The following EPB41L1 variants were observed in gnomAD, a reference collection of about 807,000 sequenced individuals.
The protein encoded by EPB41L1 is band 4.1-like protein 1.
Under a neutral mutation model 97.8 loss-of-function variants are expected in EPB41L1, and 29 were observed. The ratio of observed to expected loss-of-function variants is 0.30; its 90% CI spans 0.22 to 0.40. The LOEUF (loss-of-function observed/expected upper bound fraction) is 0.40, where lower values mean the gene tolerates loss of function less well. Ranked by LOEUF, EPB41L1 falls within the 10% of genes least tolerant of loss-of-function variation. The pLI, the probability that EPB41L1 is intolerant of heterozygous loss-of-function variation, is 1.00. For missense variants in EPB41L1, 812 were observed against 1,162.3 expected (o/e 0.70, Z 4.38); for synonymous variants, 383 against 459.2 (o/e 0.83, Z 2.12).
chr20:36,101,885 A>G (rs2058026381), intron 1 of EPB41L1, among the ~76,000 whole-genome samples: 1 of 152,004 alleles, frequency 6.6e-6, no homozygotes, highest in Non-Finnish European at 1.5e-5. Flanking sequence ...TGCACCTGTA[A>G]TCCCAGCTAC....
chr20:36,140,231 G>GTTTTTTTTTT (rs756465286), intron 2 of EPB41L1, among the ~76,000 whole-genome samples: 1 of 121,358 alleles, frequency 8.2e-6, no homozygotes, highest in African/African-American at 3.0e-5. Flanking sequence ...CTTTTTGTAT[G>GTTTTTTTTTT]TTTTTTTTTT....
intron 2 of EPB41L1, among the ~76,000 whole-genome samples, chr20:36,142,287 T>A (rs1383984054): frequency 6.6e-6 from 1 of 152,218 alleles, no homozygotes; most frequent in South Asian, 2.1e-4. Context: ...TTTCAGCATA[T>A]GTATGTATCA....
intron 2 of EPB41L1, among the ~76,000 whole-genome samples, chr20:36,127,681 C>T (rs2059027194): frequency 2.0e-5 from 3 of 152,148 alleles, no homozygotes. Context: ...GTTTCCCTAC[C>T]TGTAAAAATG....
chr20:36,191,940 TGGGG>T lies in EPB41L1; in HGVS notation c.1300+1145_1300+1148del, dbSNP rs1374252249. The stretch of plus-strand genomic sequence containing the variant: ...TAGAGAGTGGCTTAAAGGTGGGAAG[TGGGG>T]GCTGGGCATGGTGACTCATGCCTGT... On this transcript the variant is annotated intron_variant, in intron 11 of 21. Coordinates refer to ENST00000338074, the MANE Select transcript of EPB41L1 (RefSeq NM_012156.2). Among the ~76,000 whole-genome samples the T allele has an allele frequency of 1.5e-4, 23 of 152,232 alleles. No homozygotes were observed. In the East Asian group the frequency reaches 4.4e-3, roughly 29 times the overall value.
Position 36,226,717 on chromosome 20 carries a change from ATGC to A in EPB41L1, c.2638-2611_2638-2609del, listed in dbSNP as rs1478574194. Among the ~76,000 whole-genome samples, 11 of 152,200 alleles carry A rather than the reference ATGC, an allele frequency of 7.2e-5. 1 individual carries two copies. Among genetic ancestry groups the A allele is most frequent in the Non-Finnish European group, 1.5e-4 (10 of 68,038 alleles). ...CATTAACTTGAAATAGGCTAACAAA[ATGC>A]TGCACGCAGGGACTGTGCTGTGCTG... On this transcript the variant is annotated intron_variant, in intron 21 of 21. Transcript: ENST00000338074.
Position 36,212,384 on chromosome 20 carries a change from G to A in EPB41L1, c.2184+8G>A. On this transcript the variant is annotated splice_region_variant and intron_variant, in intron 16 of 21. Transcript: ENST00000338074. The surrounding 1 kb of genome is among the most constrained non-coding windows in gnomAD (Gnocchi z 4.8). ...GCTATGGATAACACCCAGGTAACTT[G>A]TGCCTTCCAATGTACCCTAAGCATG... The A allele has an allele frequency of 6.2e-7, 1 of 1,613,260 alleles. No individual in the cohort carries two copies. The highest frequency in any genetic ancestry group is 8.5e-7 in the Non-Finnish European group (1 of 1,179,236).
chr20:36,100,420 C>T (rs886726364), intron 1 of EPB41L1, among the ~76,000 whole-genome samples: 7 of 152,128 alleles, frequency 4.6e-5, no homozygotes, highest in Non-Finnish European at 1.0e-4. Flanking sequence ...TTGAGGCCAC[C>T]TAGAATTAGA....
In EPB41L1 at chr20:36,207,964, T is replaced by C. The variant is rs762001760; in HGVS notation, c.1669-1524T>C. On this transcript the variant is annotated intron_variant, in intron 14 of 21. Coordinates refer to ENST00000338074, the MANE Select transcript of EPB41L1 (RefSeq NM_012156.2). This position sits in a 1 kb window ranked among gnomAD's most constrained non-coding sequence, Gnocchi z 4.9. ...CCTGGGTGTAGCTCAGGCTGAATGA[T>C]GGGCTTCTCTGCTTGGCCCATGTTA... Among the ~76,000 whole-genome samples the C allele has an allele frequency of 6.6e-6, 1 of 152,260 alleles. No individual in the cohort carries two copies. The highest frequency in any genetic ancestry group is 1.5e-5 in the Non-Finnish European group (1 of 68,048).
At chr20:36,180,112 C>G (rs1381574478) in intron 5 of EPB41L1, among the ~76,000 whole-genome samples, 1 of 152,194 alleles carries the variant, frequency 6.6e-6, no homozygotes, top group African/African-American at 2.4e-5. Flanking sequence ...GGATGTCACT[C>G]CTTGTAGCCA....
chr20:36,205,431 A>G (rs2062746286), intron 14 of EPB41L1, among the ~76,000 whole-genome samples: 1 of 152,192 alleles, frequency 6.6e-6, no homozygotes, highest in African/African-American at 2.4e-5. Context: ...TAACATTGTA[A>G]GAGTACTTTT....
chr20:36,173,842 C>T lies in EPB41L1; in HGVS notation c.65C>T (p.Pro22Leu). 1 of 1,613,532 alleles carries T rather than the reference C, an allele frequency of 6.2e-7. No individual in the cohort carries two copies. Among genetic ancestry groups the T allele is most frequent in the Non-Finnish European group, 8.5e-7 (1 of 1,179,640 alleles). ...GCTCAGGAGGAGGCCCCGCAGCAGC[C>T]CGAGGCTGCTGCCGCTGTGACCACC... is the stretch of plus-strand genomic sequence containing the variant. Reference protein sequence around the residue: ...KKAQEEAPQQPEAAAAVTTPV... With the variant: ...KKAQEEAPQQLEAAAAVTTPV... The change falls in exon 2 of 22, where the codon CCC becomes CTC. Residue 22 changes from proline (P) to leucine (L), a missense_variant. Physicochemically the swap from Pro to Leu is moderately conservative, Grantham distance 98. Around this residue, in one of 3 missense-constraint regions of EPB41L1, gnomAD observed 84 missense variants for 94.3 expected, o/e 0.89. Coordinates refer to ENST00000338074, the MANE Select transcript of EPB41L1 (RefSeq NM_012156.2).
At chr20:36,155,499 T>G in intron 1 of EPB41L1, 1 of 432,726 alleles carries the variant, frequency 2.3e-6, no homozygotes, top group Non-Finnish European at 4.6e-6. Context: ...CACTTGTGTC[T>G]GGCACCTTCA....
chr20:36,100,526 C>T (rs971238409), intron 1 of EPB41L1, among the ~76,000 whole-genome samples: 3 of 152,188 alleles, frequency 2.0e-5, no homozygotes, highest in South Asian at 2.1e-4. Flanking sequence ...CTGTGCTAAG[C>T]GCTTTACATG....
intron 1 of EPB41L1, among the ~76,000 whole-genome samples, chr20:36,103,502 A>C (rs933746746): frequency 2.0e-5 from 3 of 152,150 alleles, no homozygotes; most frequent in Non-Finnish European, 2.9e-5. Flanking sequence ...CCTTGAGCAG[A>C]TCACTTCCTC....
At position 36,185,334 on chromosome 20, in the gene EPB41L1, A is replaced by G. The variant is rs2061640012; in HGVS notation, c.784A>G (p.Arg262Gly). 6.2e-7 allele frequency: 1 copy of G among 1,612,174 alleles called. No homozygotes were observed. Among genetic ancestry groups the G allele is most frequent in the African/African-American group, 1.3e-5 (1 of 74,906 alleles). ...GATCATGGAGCTGCATAAGACATAT[A>G]GGTAAGAGGGTGCCAGCCAGGGCCT... is the stretch of plus-strand genomic sequence containing the variant. The part of the protein sequence containing the change: ...ERIMELHKTY[R>G]GMTPGEAEIH... The change falls in exon 7 of 22, where the codon AGG (arginine) becomes GGG (glycine). Residue 262 changes from arginine to glycine, a missense_variant and splice_region_variant. Transcript: ENST00000338074.
Position 36,212,153 on chromosome 20 carries a change from A to T in EPB41L1, c.2080-119A>T. On this transcript the variant is annotated intron_variant, in intron 15 of 21. Coordinates refer to ENST00000338074, the MANE Select transcript of EPB41L1 (RefSeq NM_012156.2). The surrounding 1 kb of genome is among the most constrained non-coding windows in gnomAD (Gnocchi z 4.8). ...TTTACCCTGTCCAGAGTACCCTTCC[A>T]GAGATGTGGCCAGCTGTGGGGATAG... 1.1e-6 allele frequency: 1 copy of T among 940,346 alleles called. No individual in the cohort carries two copies. Among genetic ancestry groups the T allele is most frequent in the Non-Finnish European group, 1.7e-6 (1 of 584,222 alleles). The allele number at this position is 940,346 out of a possible 1,614,324, so 58.3% of individuals were successfully genotyped here. A position where few individuals can be genotyped will look rare whatever the true frequency, so the allele number is the denominator to read the frequency against.
Position 36,093,993 on chromosome 20 carries a change from C to T in EPB41L1, c.-65+2381C>T, listed in dbSNP as rs2057751429. On this transcript the variant is annotated intron_variant, in intron 1 of 19. Coordinates refer to the EPB41L1 transcript ENST00000202028. The surrounding 1 kb of genome is among the most constrained non-coding windows in gnomAD (Gnocchi z 5.4). Reference sequence around the variant, plus strand: ...TCTCTTAAAGGGCCAGCTCCTCACTCCAGGGAATCCCTCCTCAGGAGACCT... The same window carrying T: ...TCTCTTAAAGGGCCAGCTCCTCACTTCAGGGAATCCCTCCTCAGGAGACCT... 6.6e-6 allele frequency among the ~76,000 whole-genome samples: 1 copy of T among 152,130 alleles called. No individual in the cohort carries two copies. The highest frequency in any genetic ancestry group is 1.5e-5 in the Non-Finnish European group (1 of 68,022).
chr20:36,190,999 A>T lies in EPB41L1; in HGVS notation c.1300+202A>T, dbSNP rs2061922765. On this transcript the variant is annotated intron_variant, in intron 11 of 21. Transcript: ENST00000338074. This position sits in a 1 kb window ranked among gnomAD's most constrained non-coding sequence, Gnocchi z 5.8. ...CCAACCTAGAGCTCACTCCCACTTG[A>T]GATGTGATACTACCACTCTCTGGAT... Among the ~76,000 whole-genome samples the T allele has an allele frequency of 6.6e-6, 1 of 152,058 alleles. No individual in the cohort carries two copies.
Position 36,190,174 on chromosome 20 carries a change from T to C in EPB41L1, c.1027-103T>C, listed in dbSNP as rs1600841244. The C allele has an allele frequency of 1.1e-6, 1 of 949,194 alleles. No homozygotes were observed. Among genetic ancestry groups the C allele is most frequent in the Non-Finnish European group, 1.7e-6 (1 of 600,058 alleles). The allele number at this position is 949,194 out of a possible 1,614,324, so 58.8% of individuals were successfully genotyped here. A position where few individuals can be genotyped will look rare whatever the true frequency, so the allele number is the denominator to read the frequency against. ...CTGGGCAAATGATCGAGACCCTGTG[T>C]CTCAAAAAAACATTAAACAAATAAA... On this transcript the variant is annotated intron_variant, in intron 9 of 21. Transcript: ENST00000338074. This position sits in a 1 kb window ranked among gnomAD's most constrained non-coding sequence, Gnocchi z 5.8.
Sources: gnomAD v4.1 joint callset for allele counts (sites outside exome capture counted in the v4.1 genomes callset) on GRCh38, gnomAD v4.1.1 for gene constraint, gnomAD v4.1.1 regional missense constraint, Gnocchi (gnomAD v3.1) non-coding constraint, MANE v1.5 for transcripts, NCBI Gene and HGNC (gene_info 2026-07-23, HGNC 2026-07-21) for gene names.